Variants in LMF1 observed in about 807,000 individuals in gnomAD.
LMF1 encodes lipase maturation factor 1, also known as transmembrane protein 112.
In LMF1, 68 loss-of-function variants were observed where a neutral mutation model predicts 60.6. That is an observed-to-expected ratio of 1.12 (90% CI 0.92 to 1.37). The LOEUF is 1.37. Among genes scored for constraint, LMF1 ranks in the 40% most tolerant of loss-of-function variants. The pLI is 0.00. For missense variants in LMF1, 948 were observed against 767.2 expected, an observed-to-expected ratio of 1.24 and a Z score of -2.78; for synonymous variants, 418 against 324.7, an observed-to-expected ratio of 1.29 and a Z score of -3.09.
intron 10 of LMF1, among the ~76,000 whole-genome samples, chr16:861,820 C>T (rs777203480): frequency 2.0e-5 from 3 of 152,278 alleles, no homozygotes; most frequent in South Asian, 2.1e-4. Flanking sequence ...AGCACCATGC[C>T]GGATCCGATG....
intron 2 of LMF1, among the ~76,000 whole-genome samples, chr16:937,562 G>A (rs1010533940): frequency 2.6e-5 from 4 of 152,200 alleles, no homozygotes; most frequent in Non-Finnish European, 5.9e-5. Flanking sequence ...GGTCGTTGGG[G>A]TCTCTGTGCT....
At chr16:941,361 A>G (rs1399739603) in intron 2 of LMF1, among the ~76,000 whole-genome samples, 1 of 152,128 alleles carries the variant, frequency 6.6e-6, no homozygotes, top group Non-Finnish European at 1.5e-5. Context: ...CTGGGACTAC[A>G]GGCACGTGCA....
chr16:940,156 C>T (rs1206774251), intron 2 of LMF1, among the ~76,000 whole-genome samples: 1 of 152,082 alleles, frequency 6.6e-6, no homozygotes, highest in Non-Finnish European at 1.5e-5. Flanking sequence ...CGCAGAGACT[C>T]GGAGGGAAGG....
chr16:913,852 C>G (rs957885404), intron 3 of LMF1, among the ~76,000 whole-genome samples: 1 of 152,240 alleles, frequency 6.6e-6, no homozygotes, highest in Non-Finnish European at 1.5e-5. Context: ...CATGGGGCAG[C>G]CCGAGGCACA....
chr16:866,705 T>C (rs982570074), intron 10 of LMF1, among the ~76,000 whole-genome samples: 1 of 152,220 alleles, frequency 6.6e-6, no homozygotes, highest in African/African-American at 2.4e-5. Flanking sequence ...TGGTGTTGCC[T>C]GGAGTGGTGA....
intron 1 of LMF1, chr16:969,126 C>A (rs1177145169): frequency 6.6e-6 from 1 of 152,164 alleles, no homozygotes; most frequent in Non-Finnish European, 1.5e-5. Flanking sequence ...GCCTGGCCAA[C>A]ATGGTGAAAC....
rs926680990 is a variant in LMF1 at position 874,707 on chromosome 16, C to T, written c.898-3366G>A. On this transcript the variant is annotated intron_variant, in intron 6 of 10. Coordinates refer to ENST00000262301, the MANE Select transcript of LMF1 (RefSeq NM_022773.4). This position sits in a 1 kb window ranked among gnomAD's most constrained non-coding sequence, Gnocchi z 4.1. ...GGGACGGTGCTCAGATGGGAACACA[C>T]GGAACCAGGACGGGATCCGGGGAGG... 1.3e-5 allele frequency among the ~76,000 whole-genome samples: 2 copies of T among 151,652 alleles called. No homozygotes were observed. Among genetic ancestry groups the T allele is most frequent in the African/African-American group, 4.8e-5 (2 of 41,294 alleles).
At chr16:957,145 T>C (rs1411995220) in intron 1 of LMF1, among the ~76,000 whole-genome samples, 1 of 152,060 alleles carries the variant, frequency 6.6e-6, no homozygotes, top group African/African-American at 2.4e-5. Flanking sequence ...AGACTCCATC[T>C]CAAAAGGAAA....
At position 859,942 on chromosome 16, in the gene LMF1, C is replaced by T. The variant is rs114562829; in HGVS notation, c.1530-5236G>A. On this transcript the variant is annotated intron_variant, in intron 10 of 10. Transcript: ENST00000262301. ...CACGGGATCGGTGTGAGTGGTGTCA[C>T]GGGATGGGTGTGCAGTGATGGTACC... Among the ~76,000 whole-genome samples, 512 of 127,820 alleles carry T rather than the reference C, an allele frequency of 4.0e-3. 79 individuals are homozygous for T. Among genetic ancestry groups the T allele is most frequent in the African/African-American group, 0.022 (463 of 21,512 alleles). The allele number at this position is 127,820 out of a possible 152,430, so 83.9% of individuals were successfully genotyped here. A position where few individuals can be genotyped will look rare whatever the true frequency, so the allele number is the denominator to read the frequency against.
chr16:981,344 G>GAGAGAA (rs1555484965), upstream of LMF1: 86 of 249,944 alleles, frequency 3.4e-4, no homozygotes, highest in African/African-American at 1.1e-3. Context: ...GAGAGAGAGA[G>GAGAGAA]AGAGTGTGTG....
chr16:964,294 T>C (rs144985607), intron 1 of LMF1, among the ~76,000 whole-genome samples: 19,567 of 97,152 alleles, frequency 0.2, 1,610 homozygotes, highest in Middle Eastern at 0.28. Context: ...AAACTCTGTC[T>C]CAAAAAAAAA....
intron 2 of LMF1, among the ~76,000 whole-genome samples, chr16:951,966 C>T (rs3852757): frequency 0.48 from 72,551 of 151,934 alleles, 19,004 homozygotes; most frequent in African/African-American, 0.7. Context: ...AAGCATTGCA[C>T]GTGGCCCCAG....
In LMF1 at chr16:854,449, C is replaced by G. The variant is rs2069132073; in HGVS notation, c.*83G>C. On this transcript the variant is annotated 3_prime_UTR_variant, in exon 11 of 11. Coordinates refer to ENST00000262301, the MANE Select transcript of LMF1 (RefSeq NM_022773.4). Reference sequence around the variant, plus strand: ...CTCTCCACGTCTCTCTTGGCGATGCCCAGCTTGGGCTGGGCGCAGGGAAGG... The same window carrying G: ...CTCTCCACGTCTCTCTTGGCGATGCGCAGCTTGGGCTGGGCGCAGGGAAGG... 1 of 1,387,930 alleles carries G rather than the reference C, an allele frequency of 7.2e-7. No homozygotes were observed. The highest frequency in any genetic ancestry group is 1.4e-5 in the African/African-American group (1 of 70,036). 86.0% of individuals were successfully genotyped at this position (1,387,930 alleles called of 1,614,324 possible). A position where few individuals can be genotyped will look rare whatever the true frequency, so the allele number is the denominator to read the frequency against.
intron 1 of LMF1, chr16:969,026 A>G (rs987235840): frequency 6.6e-6 from 1 of 152,202 alleles, no homozygotes; most frequent in Non-Finnish European, 1.5e-5. Flanking sequence ...GGGAAGAACT[A>G]CTTTTTAAAA....
chr16:954,658 A>T lies in LMF1; in HGVS notation c.202T>A (p.Phe68Ile), dbSNP rs755635357. ...TTGTTCTGATGGAAAGCCACCAGGA[A>T]TGCCACGACTGGAAGAAAAAGAAGA... Reference protein sequence around the residue: ...KALAFVYFVAFLVAFHQNKQL... With the variant: ...KALAFVYFVAILVAFHQNKQL... The change falls in exon 2 of 11, where the codon TTC (phenylalanine) becomes ATC (isoleucine). Residue 68 changes from phenylalanine (F) to isoleucine (I), a missense_variant. Phe to Ile is a conservative substitution (Grantham distance 21, BLOSUM62 0). Coordinates refer to ENST00000262301, the MANE Select transcript of LMF1 (RefSeq NM_022773.4). 1 of 1,593,060 alleles carries T rather than the reference A, an allele frequency of 6.3e-7. No homozygotes were observed. The highest frequency in any genetic ancestry group is 2.2e-5 in the East Asian group (1 of 44,576).
chr16:978,936 T>G (rs1017821361), intron 1 of LMF1: 5 of 453,194 alleles, frequency 1.1e-5, no homozygotes, highest in African/African-American at 2.0e-5. Context: ...GATCAGAAGC[T>G]TCAGGGCTCA....
At chr16:869,186 C>G in intron 9 of LMF1, 130 bp from the exon 10 acceptor site, 1 of 722,488 alleles carries the variant, frequency 1.4e-6, no homozygotes, top group Non-Finnish European at 2.5e-6. Context: ...GGCAGCCGCA[C>G]TCCAGCTCTT....
chr16:954,954 G>GCACACACACA (rs1486771586), intron 1 of LMF1, among the ~76,000 whole-genome samples: 2 of 100,508 alleles, frequency 2.0e-5, no homozygotes, highest in Admixed American at 1.8e-4. Flanking sequence ...CGCGGTGTGT[G>GCACACACACA]CATCCACACA....
At chr16:861,652 G>A (rs548603761) in intron 10 of LMF1, among the ~76,000 whole-genome samples, 26 of 152,186 alleles carry the variant, frequency 1.7e-4, no homozygotes, top group African/African-American at 5.5e-4. Flanking sequence ...CGCTGCGCCC[G>A]GCCTCGCTTC....
Sources: gnomAD v4.1 joint callset for allele counts (sites outside exome capture counted in the v4.1 genomes callset) on GRCh38, gnomAD v4.1.1 for gene constraint, Gnocchi (gnomAD v3.1) non-coding constraint, MANE v1.5 for transcripts, NCBI Gene and HGNC (gene_info 2026-07-23, HGNC 2026-07-21) for gene names.